The following OMA1 variants were observed in gnomAD, a reference collection of about 807,000 sequenced individuals.
OMA1 encodes the protein OMA1 zinc metallopeptidase, also known as metalloendopeptidase OMA1, mitochondrial.
In OMA1, 38 loss-of-function variants were observed where a neutral mutation model predicts 30.9. The ratio of observed to expected loss-of-function variants is 1.23; its 90% CI spans 0.95 to 1.61. The LOEUF is 1.61. Among genes scored for constraint, OMA1 ranks in the 40% most tolerant of loss-of-function variants. The probability of loss-of-function intolerance (pLI) is 0.00; values close to 1 mark genes in which losing one functional copy is unlikely to be tolerated. For synonymous variants in OMA1, 173 were observed against 121.9 expected (o/e 1.42, Z -2.76); for missense variants, 461 against 349.2 (o/e 1.32, Z -2.55).
intron 8 of OMA1, among the ~76,000 whole-genome samples, chr1:58,504,867 T>A (rs1045332577): frequency 7.9e-5 from 12 of 152,220 alleles, no homozygotes; most frequent in African/African-American, 2.9e-4. Context: ...ATCTTATTCC[T>A]CTTTGTATCC....
At chr1:58,514,575 C>A (rs1191110111) in intron 7 of OMA1, among the ~76,000 whole-genome samples, 1 of 152,154 alleles carries the variant, frequency 6.6e-6, no homozygotes, top group Non-Finnish European at 1.5e-5. Flanking sequence ...ACCATTAACA[C>A]CCTACACTTG....
intron 7 of OMA1, among the ~76,000 whole-genome samples, chr1:58,513,668 G>C (rs1290407939): frequency 2.6e-5 from 4 of 152,026 alleles, no homozygotes; most frequent in Admixed American, 1.3e-4. Context: ...GAAATATCTG[G>C]GTTCAAAATA....
chr1:58,508,284 T>C (rs531650312), intron 7 of OMA1, among the ~76,000 whole-genome samples: 13 of 152,206 alleles, frequency 8.5e-5, no homozygotes, highest in Admixed American at 3.3e-4. Flanking sequence ...CCAAAATGAG[T>C]ATTTTATTTA....
At chr1:58,521,828 C>T (rs1337636445) in intron 7 of OMA1, among the ~76,000 whole-genome samples, 1 of 152,026 alleles carries the variant, frequency 6.6e-6, no homozygotes, top group East Asian at 1.9e-4. Flanking sequence ...ATTCTCCAAA[C>T]GTTTAAAAAA....
chr1:58,483,501 T>C (rs950742592), intron 8 of OMA1, among the ~76,000 whole-genome samples: 5 of 152,200 alleles, frequency 3.3e-5, no homozygotes, highest in Admixed American at 2.6e-4. Flanking sequence ...TGAAAAAACA[T>C]TACTTAACGT....
intron 8 of OMA1, among the ~76,000 whole-genome samples, chr1:58,502,880 G>A (rs979238280): frequency 2.0e-5 from 3 of 152,082 alleles, no homozygotes; most frequent in Non-Finnish European, 4.4e-5. Flanking sequence ...AATTATATGA[G>A]GTTTTCAAAT....
At chr1:58,492,404 A>C (rs531455203) in intron 8 of OMA1, among the ~76,000 whole-genome samples, 1 of 152,324 alleles carries the variant, frequency 6.6e-6, no homozygotes, top group South Asian at 2.1e-4. Context: ...AGGCAAGAAA[A>C]TAACTAAGAT....
At chr1:58,518,677 G>T (rs1373746257) in intron 7 of OMA1, among the ~76,000 whole-genome samples, 1 of 151,918 alleles carries the variant, frequency 6.6e-6, no homozygotes, top group Non-Finnish European at 1.5e-5. Context: ...AAAAGCAACT[G>T]AATAGAGGGT....
chr1:58,524,476 T>TAGATAG (rs1310226761), intron 7 of OMA1, among the ~76,000 whole-genome samples: 6 of 152,250 alleles, frequency 3.9e-5, no homozygotes, highest in Non-Finnish European at 7.3e-5. Context: ...TTAGAGTCTA[T>TAGATAG]AGATAGGCCT....
In OMA1 at chr1:58,490,426, G is replaced by A. The variant is rs577928452; in HGVS notation, c.1366-9252C>T. On this transcript the variant is annotated intron_variant, in intron 8 of 8. Coordinates refer to ENST00000371226, the MANE Select transcript of OMA1 (RefSeq NM_145243.5). ...AAAAAGAAATGAACAAAGCCTCCAA[G>A]AAATATGGGACTATGTGAAAAGACC... Among the ~76,000 whole-genome samples, 39 of 152,306 alleles carry A rather than the reference G, an allele frequency of 2.6e-4. 1 individual carries two copies. The East Asian group carries it at 7.5e-3, about 29-fold the overall frequency.
intron 8 of OMA1, among the ~76,000 whole-genome samples, chr1:58,501,079 T>C (rs1645899566): frequency 6.6e-6 from 1 of 152,222 alleles, no homozygotes. Flanking sequence ...GTGGAATATG[T>C]GTTTAACTGA....
At chr1:58,498,054 C>G (rs186355326) in intron 8 of OMA1, among the ~76,000 whole-genome samples, 266 of 152,128 alleles carry the variant, frequency 1.7e-3, no homozygotes, top group African/African-American at 6.1e-3. Context: ...CTATAAGGCC[C>G]TGATATCTGG....
chr1:58,532,556 C>T (rs1478772976), intron 5 of OMA1, among the ~76,000 whole-genome samples: 3 of 152,112 alleles, frequency 2.0e-5, no homozygotes, highest in Non-Finnish European at 4.4e-5. Context: ...GAGACAGTGT[C>T]TCACTCTGTC....
intron 8 of OMA1, among the ~76,000 whole-genome samples, chr1:58,501,846 T>A (rs1046239382): frequency 1.3e-5 from 2 of 152,088 alleles, no homozygotes; most frequent in Non-Finnish European, 2.9e-5. Context: ...TTTAATGAGG[T>A]CTGAAGGGTG....
rs921456509 is a variant in OMA1 at position 58,531,226 on chromosome 1, A to G, written c.1012-497T>C. On this transcript the variant is annotated intron_variant, in intron 5 of 8. Coordinates refer to ENST00000371226, the MANE Select transcript of OMA1 (RefSeq NM_145243.5). ...ATAAAGACTAAACACTACCTAACAT[A>G]TGAAGCACTTAAAACAAGAAAAAAT... Among the ~76,000 whole-genome samples, 7 of 152,330 alleles carry G rather than the reference A, an allele frequency of 4.6e-5. No homozygotes were observed. The East Asian group carries it at 1.3e-3, about 29-fold the overall frequency.
At chr1:58,534,552 G>C (rs574557849) in intron 3 of OMA1, among the ~76,000 whole-genome samples, 1 of 152,230 alleles carries the variant, frequency 6.6e-6, no homozygotes, top group Non-Finnish European at 1.5e-5. Context: ...GTTTTTTTAT[G>C]AATAGATTGA....
intron 8 of OMA1, among the ~76,000 whole-genome samples, chr1:58,489,927 C>T (rs1645648604): frequency 6.6e-6 from 1 of 152,166 alleles, no homozygotes; most frequent in South Asian, 2.1e-4. Context: ...ACATCCACAC[C>T]AAAACCCCAT....
Position 58,542,136 on chromosome 1 carries a change from T to C in OMA1, c.-16-2826A>G, listed in dbSNP as rs1309337389. 3.9e-5 allele frequency among the ~76,000 whole-genome samples: 6 copies of C among 152,378 alleles called. No individual in the cohort carries two copies. In the East Asian group the frequency reaches 1.2e-3, roughly 29 times the overall value. ...TAATGTATAATGTTAATAAAGGGCA[T>C]GCTAAGTAAAACATTAACTTTGAGT... On this transcript the variant is annotated intron_variant, in intron 1 of 8. Coordinates refer to ENST00000371226, the MANE Select transcript of OMA1 (RefSeq NM_145243.5).
chr1:58,508,548 T>C (rs556149137), intron 7 of OMA1, among the ~76,000 whole-genome samples: 1 of 152,206 alleles, frequency 6.6e-6, no homozygotes, highest in African/African-American at 2.4e-5. Flanking sequence ...GTACCCCCAA[T>C]ACAGCACCAT....
Sources: gnomAD v4.1 joint callset for allele counts (sites outside exome capture counted in the v4.1 genomes callset) on GRCh38, gnomAD v4.1.1 for gene constraint, MANE v1.5 for transcripts, NCBI Gene and HGNC (gene_info 2026-07-23, HGNC 2026-07-21) for gene names.